CYP2C18: variants seen among roughly 807,000 people sequenced by gnomAD.
CYP2C18 encodes the protein cytochrome P450 2C18.
Under a neutral mutation model 41.3 loss-of-function variants are expected in CYP2C18, and 38 were observed. The observed-to-expected ratio is 0.92, with a 90% confidence interval of 0.71 to 1.21. The LOEUF (loss-of-function observed/expected upper bound fraction) is 1.21. CYP2C18 is among the 50% of genes most tolerant of loss of function. The pLI is 0.00. For synonymous variants in CYP2C18, 236 were observed against 210.0 expected (o/e 1.12, Z -1.07); for missense variants, 635 against 591.4 (o/e 1.07, Z -0.77).
chr10:94,707,024 A>C (rs1160271311), intron 5 of CYP2C18, 64 bp downstream of exon 5: 1 of 1,428,662 alleles, frequency 7.0e-7, no homozygotes. Flanking sequence ...CGATTGCTTA[A>C]ATAGTGAGGC....
At chr10:94,728,295 G>A (rs1348550655) in intron 7 of CYP2C18, among the ~76,000 whole-genome samples, 1 of 151,938 alleles carries the variant, frequency 6.6e-6, no homozygotes, top group East Asian at 1.9e-4. Flanking sequence ...TGTTATATAC[G>A]TGCCATTGCA....
At chr10:94,704,317 T>C (rs762499350) in intron 4 of CYP2C18, among the ~76,000 whole-genome samples, 2 of 151,626 alleles carry the variant, frequency 1.3e-5, no homozygotes, top group Non-Finnish European at 2.9e-5. Flanking sequence ...TTTTGTTGCC[T>C]GCTATAGTTT....
rs1208625541 is a variant in CYP2C18, at chr10:94,728,646, A to T, written c.1149+4113A>T. 9.4e-6 allele frequency: 9 copies of T among 961,010 alleles called. No homozygotes were observed. In the African/African-American group the frequency reaches 1.1e-4, roughly 11 times the overall value. The allele number at this position is 961,010 out of a possible 1,614,324, so 59.5% of individuals were successfully genotyped here. A position where few individuals can be genotyped will look rare whatever the true frequency, so the allele number is the denominator to read the frequency against. On this transcript the variant is annotated intron_variant, in intron 7 of 8. Transcript: ENST00000285979. ...TGTGATCAACCCCTCAATAAATTTT[A>T]GTGTACTTGTTGATATCATCTCAGA...
chr10:94,705,104 G>T (rs1421591310), intron 4 of CYP2C18, among the ~76,000 whole-genome samples: 1 of 152,132 alleles, frequency 6.6e-6, no homozygotes, highest in African/African-American at 2.4e-5. Context: ...TCACTGCCAA[G>T]CTGATGAGGG....
chr10:94,692,175 G>A, intron 3 of CYP2C18, among the ~76,000 whole-genome samples: 1 of 152,056 alleles, frequency 6.6e-6, no homozygotes, highest in Admixed American at 6.6e-5. Context: ...TTGACAAATG[G>A]GATCTAATTA....
chr10:94,688,003 A>T, intron 2 of CYP2C18, 71 bp downstream of exon 2: 1 of 1,594,728 alleles, frequency 6.3e-7, no homozygotes, highest in Non-Finnish European at 8.6e-7. Context: ...GATGGGGAGG[A>T]TGGAAAACAG....
At chr10:94,686,871 G>A (rs117924117) in intron 1 of CYP2C18, among the ~76,000 whole-genome samples, 5 of 152,150 alleles carry the variant, frequency 3.3e-5, no homozygotes, top group Admixed American at 2.6e-4. Flanking sequence ...GAAGGAAAAT[G>A]GTAGTGGAAG....
At chr10:94,734,266 A>G (rs1057029671) in intron 8 of CYP2C18, among the ~76,000 whole-genome samples, 5 of 152,132 alleles carry the variant, frequency 3.3e-5, no homozygotes, top group East Asian at 1.9e-4. Context: ...TGGATATTCA[A>G]TCTCTACAGC....
intron 4 of CYP2C18, among the ~76,000 whole-genome samples, chr10:94,698,602 C>A (rs996827720): frequency 2.0e-5 from 3 of 152,072 alleles, no homozygotes; most frequent in African/African-American, 7.2e-5. Context: ...CATTCAAAAG[C>A]TAGCAGAAGG....
intron 3 of CYP2C18, among the ~76,000 whole-genome samples, chr10:94,694,059 T>C (rs546131516): frequency 3.4e-4 from 52 of 152,292 alleles, no homozygotes; most frequent in Non-Finnish European, 6.9e-4. Flanking sequence ...AAGTTTATAA[T>C]AACATAAGGT....
intron 4 of CYP2C18, 54 bp from the exon 5 acceptor site, chr10:94,706,730 G>C: frequency 1.0e-6 from 1 of 983,412 alleles, no homozygotes; most frequent in Non-Finnish European, 1.5e-6. Flanking sequence ...TTGACTTATG[G>C]CATATGTCTT....
chr10:94,710,037 T>C (rs752601678), intron 5 of CYP2C18, among the ~76,000 whole-genome samples: 6 of 152,104 alleles, frequency 3.9e-5, no homozygotes, highest in Non-Finnish European at 8.8e-5. Context: ...TATAGTGCAA[T>C]GGTGTGATCT....
chr10:94,699,158 C>G (rs1317706092), intron 4 of CYP2C18, among the ~76,000 whole-genome samples: 1 of 152,152 alleles, frequency 6.6e-6, no homozygotes, highest in East Asian at 1.9e-4. Flanking sequence ...ATACCAAAGC[C>G]TGGCAGAGAC....
chr10:94,688,187 C>A lies in CYP2C18; in HGVS notation c.394C>A (p.Arg132=), dbSNP rs780378156. The change falls in exon 3 of 9, where the codon CGG becomes AGG. Residue 132 remains arginine, a synonymous_variant. Coordinates refer to ENST00000285979, the MANE Select transcript of CYP2C18 (RefSeq NM_000772.3). The stretch of plus-strand genomic sequence containing the variant: ...CCGGCGTTTCTGCCTCATGACTCTG[C>A]GGAATTTTGGGATGGGGAAGAGGAG... ...EIRRFCLMTL[R]NFGMGKRSIE... 12 of 1,613,398 alleles carry A rather than the reference C, an allele frequency of 7.4e-6. No individual in the cohort carries two copies. The African/African-American group carries it at 1.6e-4, about 22-fold the overall frequency.
chr10:94,728,236 A>G (rs998467429), intron 7 of CYP2C18, among the ~76,000 whole-genome samples: 1 of 151,756 alleles, frequency 6.6e-6, no homozygotes, highest in Non-Finnish European at 1.5e-5. Flanking sequence ...TTTTTTTTTG[A>G]CAATTAGATT....
At chr10:94,729,618 A>G (rs1847796858) in intron 7 of CYP2C18, among the ~76,000 whole-genome samples, 2 of 152,136 alleles carry the variant, frequency 1.3e-5, no homozygotes, top group Non-Finnish European at 1.5e-5. Context: ...AATTCGAAAA[A>G]CAGTAATTTT....
chr10:94,720,096 G>A (rs1388153678), intron 5 of CYP2C18, among the ~76,000 whole-genome samples: 1 of 152,110 alleles, frequency 6.6e-6, no homozygotes. Flanking sequence ...AAAAAGGAGA[G>A]AAAGTGCCAT....
chr10:94,689,658 G>A lies in CYP2C18; in HGVS notation c.481+1384G>A, dbSNP rs541852732. ...TATGGCATAATATTTGCCATATATTGGAGAATATTGACAATATTATTTATA... is the reference window on the plus strand; with the variant it reads ...TATGGCATAATATTTGCCATATATTAGAGAATATTGACAATATTATTTATA... On this transcript the variant is annotated intron_variant, in intron 3 of 8. Coordinates refer to ENST00000285979, the MANE Select transcript of CYP2C18 (RefSeq NM_000772.3). Among the ~76,000 whole-genome samples, 16 of 152,122 alleles carry A rather than the reference G, an allele frequency of 1.1e-4. 1 individual carries two copies. The South Asian group carries it at 3.3e-3, about 32-fold the overall frequency.
At chr10:94,725,047 G>T (rs1228394505) in intron 7 of CYP2C18, among the ~76,000 whole-genome samples, 5 of 148,430 alleles carry the variant, frequency 3.4e-5, no homozygotes, top group African/African-American at 1.2e-4. Flanking sequence ...ATATTTCTAT[G>T]TAATTGTAAG....
Sources: allele counts gnomAD v4.1 joint callset (sites outside exome capture counted in the v4.1 genomes callset), GRCh38; gene constraint gnomAD v4.1.1; transcripts MANE v1.5; gene names NCBI Gene and HGNC (gene_info 2026-07-23, HGNC 2026-07-21).